Variants in CPLX1 observed in about 807,000 individuals in gnomAD.
CPLX1 encodes the protein complexin 1.
Under a neutral mutation model 15.6 loss-of-function variants are expected in CPLX1, and 6 were observed. That is an observed-to-expected ratio of 0.39 (90% CI 0.21 to 0.76). The LOEUF is 0.76. CPLX1 is among the 30% of genes least tolerant of loss of function. The probability of loss-of-function intolerance (pLI) is 0.43; values close to 1 mark genes in which losing one functional copy is unlikely to be tolerated. For synonymous variants in CPLX1, 91 were observed against 75.2 expected, an observed-to-expected ratio of 1.21 and a Z score of -1.08; for missense variants, 242 against 188.6, an observed-to-expected ratio of 1.28 and a Z score of -1.66.
At chr4:789,052 G>T (rs76035015) in intron 3 of CPLX1, among the ~76,000 whole-genome samples, 1,852 of 152,330 alleles carry the variant, frequency 0.012, 44 homozygotes, top group African/African-American at 0.042. Context: ...CTCGGAGCTT[G>T]GCCTGAAGTG....
chr4:787,709 G>C, intron 3 of CPLX1: 2 of 985,154 alleles, frequency 2.0e-6, no homozygotes, highest in South Asian at 9.4e-5. Context: ...TGCCCTCCAG[G>C]CCTCTAAGTT....
Position 810,988 on chromosome 4 carries a change from C to T in CPLX1, c.31+13504G>A, listed in dbSNP as rs139523065. On this transcript the variant is annotated intron_variant, in intron 2 of 3. Coordinates refer to ENST00000304062, the MANE Select transcript of CPLX1 (RefSeq NM_006651.4). The stretch of plus-strand genomic sequence containing the variant: ...CTGGGATTACAGGTGTAAGCCACCA[C>T]GCCCAGCCTCTAATTTCCCTTTTTT... Among the ~76,000 whole-genome samples the T allele has an allele frequency of 7.0e-3, 1,071 of 152,146 alleles. 12 individuals are homozygous for T. The highest frequency in any genetic ancestry group is 0.048 in the East Asian group (250 of 5,158).
intron 2 of CPLX1, among the ~76,000 whole-genome samples, chr4:806,903 G>A (rs997811093): frequency 2.9e-4 from 44 of 152,324 alleles, no homozygotes; most frequent in Non-Finnish European, 5.7e-4. Flanking sequence ...TTCAACCACC[G>A]TGGAAGACTG....
intron 2 of CPLX1, among the ~76,000 whole-genome samples, chr4:802,056 T>C (rs1746470034): frequency 6.6e-6 from 1 of 152,170 alleles, no homozygotes; most frequent in South Asian, 2.1e-4. Flanking sequence ...TCCTAGGTGT[T>C]TACCCAAGAG....
chr4:808,576 T>C (rs376796466), intron 2 of CPLX1, among the ~76,000 whole-genome samples: 1 of 152,064 alleles, frequency 6.6e-6, no homozygotes, highest in Admixed American at 6.5e-5. Flanking sequence ...GAAAGACAAA[T>C]GTCAAAAGAG....
intron 3 of CPLX1, chr4:787,756 A>C: frequency 2.0e-6 from 2 of 985,064 alleles, no homozygotes; most frequent in Non-Finnish European, 2.4e-6. Context: ...CTAGATCAAT[A>C]CGCCTCCCCA....
At chr4:792,913 G>A (rs1369502384) in intron 2 of CPLX1, among the ~76,000 whole-genome samples, 2 of 152,178 alleles carry the variant, frequency 1.3e-5, no homozygotes, top group African/African-American at 4.8e-5. Context: ...GCACCTGTGT[G>A]TGACTGCGTG....
chr4:793,644 C>T (rs1328144618), intron 2 of CPLX1, among the ~76,000 whole-genome samples: 2 of 152,180 alleles, frequency 1.3e-5, no homozygotes, highest in African/African-American at 2.4e-5. Flanking sequence ...TAGCCCTCAG[C>T]GTTGCAGGGG....
At chr4:787,393 T>C (rs1746032351) in intron 3 of CPLX1, 2 of 984,794 alleles carry the variant, frequency 2.0e-6, no homozygotes, top group African/African-American at 3.5e-5. Context: ...AGCTGAATAT[T>C]GTCCCCCTCA....
chr4:785,701 G>C lies in CPLX1; in HGVS notation c.*800C>G, dbSNP rs1483108254. 1.3e-5 allele frequency: 2 copies of C among 152,366 alleles called. No individual in the cohort carries two copies. Among genetic ancestry groups the C allele is most frequent in the Admixed American group, 6.5e-5 (1 of 15,294 alleles). 9.4% of individuals were successfully genotyped at this position (152,366 alleles called of 1,614,324 possible). A position where few individuals can be genotyped will look rare whatever the true frequency, so the allele number is the denominator to read the frequency against. ...CAGGGTCTCCAGCGTCCGGTGCCTC[G>C]GGCCTCTGCGGCTCCTGTGGAGGGT... On this transcript the variant is annotated 3_prime_UTR_variant, in exon 4 of 4. Coordinates refer to ENST00000304062, the MANE Select transcript of CPLX1 (RefSeq NM_006651.4).
intron 2 of CPLX1, among the ~76,000 whole-genome samples, chr4:822,997 G>T (rs940665629): frequency 6.6e-6 from 1 of 152,134 alleles, no homozygotes; most frequent in Non-Finnish European, 1.5e-5. Context: ...GGTTGCTGCT[G>T]CTGGAGAAAC....
chr4:795,895 A>G (rs1746325478), intron 2 of CPLX1, among the ~76,000 whole-genome samples: 2 of 152,078 alleles, frequency 1.3e-5, no homozygotes, highest in African/African-American at 4.8e-5. Flanking sequence ...CAGAAGGGGC[A>G]GAAGCAGAGA....
intron 3 of CPLX1, chr4:787,765 C>G: frequency 1.0e-6 from 1 of 985,264 alleles, no homozygotes; most frequent in Non-Finnish European, 1.2e-6. Context: ...TACGCCTCCC[C>G]ACGCCACACT....
chr4:813,676 C>G (rs1371014836), intron 2 of CPLX1, among the ~76,000 whole-genome samples: 1 of 152,124 alleles, frequency 6.6e-6, no homozygotes, highest in African/African-American at 2.4e-5. Context: ...ATATCTGCAC[C>G]CTACAGAGCC....
intron 2 of CPLX1, among the ~76,000 whole-genome samples, chr4:802,775 C>G (rs1422828002): frequency 6.6e-6 from 1 of 152,064 alleles, no homozygotes; most frequent in Non-Finnish European, 1.5e-5. Flanking sequence ...TCGTGAAACC[C>G]CATCTCTACT....
chr4:807,750 C>T (rs1224266452), intron 2 of CPLX1, among the ~76,000 whole-genome samples: 1 of 152,140 alleles, frequency 6.6e-6, no homozygotes, highest in Non-Finnish European at 1.5e-5. Flanking sequence ...TCCCAAAGTA[C>T]TGAAATTACA....
intron 2 of CPLX1, among the ~76,000 whole-genome samples, chr4:807,032 C>T (rs1746566831): frequency 6.6e-6 from 1 of 152,168 alleles, no homozygotes; most frequent in African/African-American, 2.4e-5. Flanking sequence ...CGTGTATGTT[C>T]ATTGCAGCAT....
intron 2 of CPLX1, among the ~76,000 whole-genome samples, chr4:823,287 G>C (rs972029405): frequency 1.3e-5 from 2 of 152,150 alleles, no homozygotes; most frequent in African/African-American, 4.8e-5. Flanking sequence ...AAATCTCAGG[G>C]ATGTGGCCCC....
intron 2 of CPLX1, among the ~76,000 whole-genome samples, chr4:820,231 C>T (rs1283512634): frequency 6.6e-6 from 1 of 151,698 alleles, no homozygotes; most frequent in Non-Finnish European, 1.5e-5. Flanking sequence ...CTCCACCGTC[C>T]TCCCGGACCC....
Sources: gnomAD v4.1 joint callset for allele counts (sites outside exome capture counted in the v4.1 genomes callset) on GRCh38, gnomAD v4.1.1 for gene constraint, MANE v1.5 for transcripts, NCBI Gene and HGNC (gene_info 2026-07-23, HGNC 2026-07-21) for gene names.